Variants in TRIO observed in about 807,000 individuals in gnomAD.
The protein encoded by TRIO is trio Rho guanine nucleotide exchange factor.
In TRIO, 58 loss-of-function variants were observed where a neutral mutation model predicts 351.9. The observed-to-expected ratio is 0.16, with a 90% CI of 0.13 to 0.21. The LOEUF (loss-of-function observed/expected upper bound fraction) is 0.21. Among genes scored for constraint, TRIO ranks in the 10% least tolerant of loss-of-function variants. The pLI is 1.00. For missense variants in TRIO, 3,201 were observed against 4,027.8 expected (o/e 0.79, Z 5.56); for synonymous variants, 1,758 against 1,595.7 (o/e 1.10, Z -2.42).
intron 1 of TRIO, among the ~76,000 whole-genome samples, chr5:14,265,348 T>G (rs1795609421): frequency 6.6e-6 from 1 of 151,892 alleles, no homozygotes; most frequent in Non-Finnish European, 1.5e-5. Flanking sequence ...CTAGTTTAAT[T>G]TGAAGATTAG....
intron 11 of TRIO, among the ~76,000 whole-genome samples, chr5:14,354,875 G>C (rs1170974390): frequency 1.3e-5 from 2 of 152,352 alleles, no homozygotes; most frequent in East Asian, 3.9e-4. Flanking sequence ...ACAGTGACAA[G>C]GGTGAGGGCA....
intron 10 of TRIO, among the ~76,000 whole-genome samples, chr5:14,332,110 TG>T (rs763824536): frequency 1.2e-4 from 19 of 152,190 alleles, no homozygotes; most frequent in Non-Finnish European, 2.8e-4. Context: ...AGTAAATCTT[TG>T]GCATAGCATC....
chr5:14,231,676 T>A (rs1277624797), intron 1 of TRIO, among the ~76,000 whole-genome samples: 1 of 152,136 alleles, frequency 6.6e-6, no homozygotes, highest in African/African-American at 2.4e-5. Context: ...TTAGAACATA[T>A]AAAGTATGCA....
intron 33 of TRIO, among the ~76,000 whole-genome samples, chr5:14,411,781 T>A (rs1013617769): frequency 1.3e-5 from 2 of 151,918 alleles, no homozygotes; most frequent in African/African-American, 2.4e-5. Flanking sequence ...GTTTTTTTTT[T>A]ATTTTTGTAG....
chr5:14,345,542 T>C (rs539560312), intron 11 of TRIO, among the ~76,000 whole-genome samples: 189 of 152,330 alleles, frequency 1.2e-3, no homozygotes, highest in Non-Finnish European at 2.4e-3. Context: ...AAATGCCCAA[T>C]TGGAAATAGG....
intron 1 of TRIO, among the ~76,000 whole-genome samples, chr5:14,266,931 C>CGACT (rs757001093): frequency 2.6e-5 from 4 of 152,152 alleles, no homozygotes; most frequent in Non-Finnish European, 5.9e-5. Flanking sequence ...AGATAAGCCT[C>CGACT]GACTGACTCC....
intron 37 of TRIO, chr5:14,466,003 G>A: frequency 7.3e-6 from 2 of 273,550 alleles, no homozygotes; most frequent in Non-Finnish European, 1.5e-5. Flanking sequence ...CCGAGCCTTG[G>A]TGTTGAGTGT....
At chr5:14,421,465 G>A (rs927159716) in intron 34 of TRIO, among the ~76,000 whole-genome samples, 1 of 151,620 alleles carries the variant, frequency 6.6e-6, no homozygotes, top group Non-Finnish European at 1.5e-5. Context: ...TTAGCTGGGT[G>A]TGGCGGCAGA....
At chr5:14,383,220 G>A (rs1480814946) in intron 21 of TRIO, among the ~76,000 whole-genome samples, 1 of 152,184 alleles carries the variant, frequency 6.6e-6, no homozygotes, top group African/African-American at 2.4e-5. Context: ...CCCAAGCTAT[G>A]TCTGCTTATT....
At chr5:14,292,783 A>T (rs549138066) in intron 5 of TRIO, among the ~76,000 whole-genome samples, 11 of 152,326 alleles carry the variant, frequency 7.2e-5, no homozygotes, top group African/African-American at 2.6e-4. Flanking sequence ...CTGCTTCTTA[A>T]TTCCTTCTCT....
chr5:14,270,583 A>T (rs772560023), intron 1 of TRIO, among the ~76,000 whole-genome samples: 1 of 152,196 alleles, frequency 6.6e-6, no homozygotes, highest in Non-Finnish European at 1.5e-5. Flanking sequence ...GCTAGAAATG[A>T]CTCAGAGCGA....
intron 40 of TRIO, among the ~76,000 whole-genome samples, chr5:14,474,300 C>T (rs751678272): frequency 3.3e-5 from 5 of 152,168 alleles, no homozygotes; most frequent in Non-Finnish European, 7.3e-5. Flanking sequence ...GTCTCTTCTT[C>T]GTGCTGGTCC....
chr5:14,337,923 G>T (rs1192406354), intron 11 of TRIO, among the ~76,000 whole-genome samples: 1 of 152,150 alleles, frequency 6.6e-6, no homozygotes, highest in African/African-American at 2.4e-5. Context: ...GTGCTTCTTG[G>T]TCCCGAGATG....
At chr5:14,395,384 C>G (rs1427883009) in intron 28 of TRIO, among the ~76,000 whole-genome samples, 1 of 152,130 alleles carries the variant, frequency 6.6e-6, no homozygotes, top group African/African-American at 2.4e-5. Flanking sequence ...TTTCAGTGTC[C>G]TCAAGATGTA....
At chr5:14,194,525 T>C (rs773639712) in intron 1 of TRIO, among the ~76,000 whole-genome samples, 1 of 152,242 alleles carries the variant, frequency 6.6e-6, no homozygotes, top group East Asian at 1.9e-4. Flanking sequence ...TCTCTAGATA[T>C]CTAGCTAGTA....
At chr5:14,356,791 A>G (rs1743649092) in intron 11 of TRIO, among the ~76,000 whole-genome samples, 1 of 152,228 alleles carries the variant, frequency 6.6e-6, no homozygotes. Flanking sequence ...GACAGTGGAA[A>G]GGAACGAACC....
At chr5:14,182,862 AC>A (rs33945464) in intron 1 of TRIO, among the ~76,000 whole-genome samples, 38 of 61,690 alleles carry the variant, frequency 6.2e-4, no homozygotes, top group East Asian at 1.0e-3. Context: ...TACAGTGGAG[AC>A]CCCCCCCCCT....
At chr5:14,263,494 G>A (rs1216287822) in intron 1 of TRIO, among the ~76,000 whole-genome samples, 1 of 152,068 alleles carries the variant, frequency 6.6e-6, no homozygotes, top group Non-Finnish European at 1.5e-5. Flanking sequence ...CTTTTTCTTT[G>A]TCTGAAGAAG....
chr5:14,163,470 C>T (rs1413019984), intron 1 of TRIO, among the ~76,000 whole-genome samples: 1 of 152,164 alleles, frequency 6.6e-6, no homozygotes, highest in Admixed American at 6.5e-5. Context: ...TCTTAAAGTG[C>T]TGGGATTATA....
Sources: allele counts gnomAD v4.1 joint callset (sites outside exome capture counted in the v4.1 genomes callset), GRCh38; gene constraint gnomAD v4.1.1; transcripts MANE v1.5; gene names NCBI Gene and HGNC (gene_info 2026-07-23, HGNC 2026-07-21).